GALNT15: variants seen among roughly 807,000 people sequenced by gnomAD.
GALNT15 encodes polypeptide N-acetylgalactosaminyltransferase 15, also known as UDP-GalNAc transferase T15.
In GALNT15, 67 loss-of-function variants were observed where a neutral mutation model predicts 66.8. The ratio of observed to expected loss-of-function variants is 1.00; its 90% CI spans 0.82 to 1.23. The LOEUF (loss-of-function observed/expected upper bound fraction) is 1.23. Among genes scored for constraint, GALNT15 ranks in the 50% most tolerant of loss-of-function variants. The pLI is 0.00. For missense variants in GALNT15, 827 were observed against 804.3 expected, an observed-to-expected ratio of 1.03 and a Z score of -0.34; for synonymous variants, 313 against 311.5, an observed-to-expected ratio of 1.00 and a Z score of -0.05.
chr3:16,233,170 A>G (rs1404670211), downstream of GALNT15, among the ~76,000 whole-genome samples: 2 of 129,918 alleles, frequency 1.5e-5, no homozygotes, highest in Non-Finnish European at 3.1e-5. Context: ...ATCTTGATTC[A>G]CTGCAAACTC....
At chr3:16,214,631 A>G (rs1315712747) in intron 6 of GALNT15, among the ~76,000 whole-genome samples, 1 of 152,104 alleles carries the variant, frequency 6.6e-6, no homozygotes, top group African/African-American at 2.4e-5. Context: ...ACCATACCCA[A>G]TGCTTATCAG....
At chr3:16,226,237 G>A (rs893398413) in intron 9 of GALNT15, among the ~76,000 whole-genome samples, 1 of 152,086 alleles carries the variant, frequency 6.6e-6, no homozygotes, top group African/African-American at 2.4e-5. Flanking sequence ...TTCTTTTTAC[G>A]TAATGAAAAT....
At chr3:16,221,114 G>A (rs1246896950) in intron 8 of GALNT15, among the ~76,000 whole-genome samples, 3 of 151,790 alleles carry the variant, frequency 2.0e-5, no homozygotes, top group Admixed American at 6.6e-5. Context: ...TTAAATCCTG[G>A]TTTCCTCTCC....
intron 1 of GALNT15, among the ~76,000 whole-genome samples, chr3:16,194,968 G>T (rs1214445357): frequency 6.6e-6 from 1 of 152,202 alleles, no homozygotes. Flanking sequence ...TCCTGCACAT[G>T]TATCCTGGAA....
chr3:16,212,084 G>A (rs2063821522), intron 5 of GALNT15, among the ~76,000 whole-genome samples: 1 of 152,178 alleles, frequency 6.6e-6, no homozygotes, highest in African/African-American at 2.4e-5. Flanking sequence ...GGAGAGCAGA[G>A]GGAAATTTCT....
In GALNT15 at chr3:16,200,766, A is replaced by T. The variant is rs778842843; in HGVS notation, c.854A>T (p.His285Leu). 1.2e-6 allele frequency: 2 copies of T among 1,612,272 alleles called. No homozygotes were observed. Among genetic ancestry groups the T allele is most frequent in the East Asian group, 2.2e-5 (1 of 44,662 alleles). Residue 285 changes from histidine (H) to leucine (L), a missense_variant, in exon 3 of 10, where the codon CAC becomes CTC. Transcript: ENST00000339732. The surrounding 1 kb of genome is among the most constrained non-coding windows in gnomAD (Gnocchi z 4.4). ...TGDVLVFMDA[H>L]CECHPGWLEP... ...GATGTGCTCGTCTTCATGGATGCCC[A>T]CTGCGAGTGCCACCCAGGCTGGCTG...
intron 2 of GALNT15, among the ~76,000 whole-genome samples, chr3:16,197,244 C>T (rs903113819): frequency 6.6e-6 from 1 of 152,120 alleles, no homozygotes; most frequent in Non-Finnish European, 1.5e-5. Context: ...TGGGCTACCC[C>T]AGAGCTGGCA....
the GALNT15 span, among the ~76,000 whole-genome samples, chr3:16,244,420 G>C: frequency 0.43 from 64,717 of 152,130 alleles, 14,161 homozygotes; most frequent in South Asian, 0.57. Context: ...AGCCACACAG[G>C]AGAGCTTTAA....
At chr3:16,221,779 A>G (rs151224329) in intron 8 of GALNT15, among the ~76,000 whole-genome samples, 1 of 152,352 alleles carries the variant, frequency 6.6e-6, no homozygotes, top group Admixed American at 6.5e-5. Context: ...GCTTGCATCT[A>G]ATATGGGCTT....
intron 8 of GALNT15, among the ~76,000 whole-genome samples, chr3:16,220,896 G>T (rs531090636): frequency 6.6e-5 from 10 of 152,174 alleles, no homozygotes; most frequent in African/African-American, 2.4e-4. Context: ...GGATCCATCC[G>T]GCCTCCTTTG....
Position 16,227,820 on chromosome 3 carries a change from A to T in GALNT15, c.*320A>T. 1 of 1,090,090 alleles carries T rather than the reference A, an allele frequency of 9.2e-7. No individual in the cohort carries two copies. The highest frequency in any genetic ancestry group is 3.0e-5 in the South Asian group (1 of 33,216). 67.5% of individuals were successfully genotyped at this position (1,090,090 alleles called of 1,614,324 possible). A position where few individuals can be genotyped will look rare whatever the true frequency, so the allele number is the denominator to read the frequency against. On this transcript the variant is annotated 3_prime_UTR_variant, in exon 10 of 10. Transcript: ENST00000339732. The surrounding 1 kb of genome is among the most constrained non-coding windows in gnomAD (Gnocchi z 4.5). ...AACAATTGCTTTCTCTCTGGCCTGG[A>T]CATTCTCTGGCAGCACCTCCAGGAT...
chr3:16,198,091 T>C (rs1169374317), intron 2 of GALNT15, among the ~76,000 whole-genome samples: 1 of 142,542 alleles, frequency 7.0e-6, no homozygotes, highest in African/African-American at 2.6e-5. Flanking sequence ...CCTGCTGCAG[T>C]GACTTAACCA....
At position 16,211,069 on chromosome 3, in the gene GALNT15, GC is replaced by G; in HGVS notation, c.1080-53del. 1 of 1,334,712 alleles carries G rather than the reference GC, an allele frequency of 7.5e-7. No individual in the cohort carries two copies. The highest frequency in any genetic ancestry group is 1.2e-5 in the South Asian group (1 of 84,826). The allele number at this position is 1,334,712 out of a possible 1,614,324, so 82.7% of individuals were successfully genotyped here. A position where few individuals can be genotyped will look rare whatever the true frequency, so the allele number is the denominator to read the frequency against. Reference sequence around the variant, plus strand: ...CTGGGAAGCCCCAGCCCCCAGCCTCGCCTGCTGTGCTCTGGGTTCTGAACTG... The same window carrying G: ...CTGGGAAGCCCCAGCCCCCAGCCTCGCTGCTGTGCTCTGGGTTCTGAACTG... On this transcript the variant is annotated intron_variant, in intron 4 of 9. Transcript: ENST00000339732. The surrounding 1 kb of genome is among the most constrained non-coding windows in gnomAD (Gnocchi z 4.3).
At chr3:16,226,489 G>GAAGGCGAAGAGGAAGC (rs1450288069) in intron 9 of GALNT15, among the ~76,000 whole-genome samples, 1 of 152,212 alleles carries the variant, frequency 6.6e-6, no homozygotes, top group Non-Finnish European at 1.5e-5. Flanking sequence ...AATCATGGCA[G>GAAGGCGAAGAGGAAGC]AAGGCGAAGA....
At chr3:16,231,704 T>C (rs2064083499), downstream of GALNT15, 1 of 980,438 alleles carries the variant, frequency 1.0e-6, no homozygotes, top group Non-Finnish European at 1.5e-6. This position sits in a 1 kb window ranked among gnomAD's most constrained non-coding sequence, Gnocchi z 4.1. Flanking sequence ...AGCTAGCTCA[T>C]AGTCAATGGA....
chr3:16,196,290 C>T (rs994777684), intron 2 of GALNT15, among the ~76,000 whole-genome samples: 1 of 152,160 alleles, frequency 6.6e-6, no homozygotes, highest in Non-Finnish European at 1.5e-5. Flanking sequence ...GTTGTGAGTG[C>T]TCACTGCCTC....
the GALNT15 span, chr3:16,243,987 G>T: frequency 1.0e-6 from 1 of 985,220 alleles, no homozygotes; most frequent in Non-Finnish European, 1.2e-6. Flanking sequence ...GGGGGTTGAT[G>T]ACTTTTTCTT....
downstream of GALNT15, among the ~76,000 whole-genome samples, chr3:16,234,272 T>A (rs536444330): frequency 2.3e-4 from 35 of 151,956 alleles, no homozygotes; most frequent in Non-Finnish European, 4.9e-4. Context: ...TTTAGCTTTC[T>A]CTGAAAAAAA....
At chr3:16,205,614 C>T (rs549473469) in intron 3 of GALNT15, among the ~76,000 whole-genome samples, 66 of 152,328 alleles carry the variant, frequency 4.3e-4, no homozygotes, top group African/African-American at 1.5e-3. Context: ...GAGGTCAGCT[C>T]GCTATTTTGC....
Sources: allele counts gnomAD v4.1 joint callset (sites outside exome capture counted in the v4.1 genomes callset), GRCh38; gene constraint gnomAD v4.1.1; non-coding constraint Gnocchi (gnomAD v3.1); transcripts MANE v1.5; gene names NCBI Gene and HGNC (gene_info 2026-07-23, HGNC 2026-07-21).